Variants in NRG3 observed in about 807,000 individuals in gnomAD.
NRG3 encodes the protein pro-neuregulin-3, membrane-bound isoform.
Under a neutral mutation model 66.9 loss-of-function variants are expected in NRG3, and 31 were observed. The ratio of observed to expected loss-of-function variants is 0.46; its 90% CI spans 0.35 to 0.63. The LOEUF (loss-of-function observed/expected upper bound fraction) is 0.63, where lower values mean the gene tolerates loss of function less well. Among genes scored for constraint, NRG3 ranks in the 20% least tolerant of loss-of-function variants. The pLI, the probability that NRG3 is intolerant of heterozygous loss-of-function variation, is 0.00. For missense variants in NRG3, 910 were observed against 878.9 expected, an observed-to-expected ratio of 1.04 and a Z score of -0.45; for synonymous variants, 393 against 359.4, an observed-to-expected ratio of 1.09 and a Z score of -1.06.
intron 1 of NRG3, among the ~76,000 whole-genome samples, chr10:81,924,385 G>T (rs954776006): frequency 6.6e-6 from 1 of 152,202 alleles, no homozygotes; most frequent in Admixed American, 6.5e-5. Context: ...AAAGACAGTT[G>T]TCTGAACTTC....
chr10:82,794,034 A>G (rs1292775728), intron 3 of NRG3, among the ~76,000 whole-genome samples: 1 of 152,164 alleles, frequency 6.6e-6, no homozygotes, highest in African/African-American at 2.4e-5. Flanking sequence ...CTATTGCTTC[A>G]GCTGTGAACA....
At chr10:82,425,258 T>G (rs1420063141) in intron 2 of NRG3, among the ~76,000 whole-genome samples, 3 of 152,162 alleles carry the variant, frequency 2.0e-5, no homozygotes, top group Non-Finnish European at 2.9e-5. Flanking sequence ...CAATATTAAG[T>G]CTTCTGATTC....
intron 2 of NRG3, among the ~76,000 whole-genome samples, chr10:82,364,523 G>T (rs969985498): frequency 6.6e-6 from 1 of 152,010 alleles, no homozygotes; most frequent in Non-Finnish European, 1.5e-5. Flanking sequence ...TGTTGGCAAT[G>T]GTGCTATGTA....
chr10:82,894,643 T>C (rs1843473717), intron 4 of NRG3, among the ~76,000 whole-genome samples: 1 of 152,218 alleles, frequency 6.6e-6, no homozygotes, highest in African/African-American at 2.4e-5. Context: ...TAAGACTCAA[T>C]TCATCTATTA....
chr10:82,580,234 T>C (rs1257395286), intron 2 of NRG3, among the ~76,000 whole-genome samples: 1 of 152,012 alleles, frequency 6.6e-6, no homozygotes, highest in Non-Finnish European at 1.5e-5. Context: ...TTTAGCATGC[T>C]AAATATGTAA....
At chr10:82,974,719 A>G (rs1240757026) in intron 7 of NRG3, among the ~76,000 whole-genome samples, 1 of 152,246 alleles carries the variant, frequency 6.6e-6, no homozygotes, top group East Asian at 1.9e-4. Context: ...CATTTTAACA[A>G]TGAAAAAGTA....
chr10:82,553,338 A>G (rs937117309), intron 2 of NRG3, among the ~76,000 whole-genome samples: 1 of 152,036 alleles, frequency 6.6e-6, no homozygotes, highest in Non-Finnish European at 1.5e-5. Flanking sequence ...CACCCCCCAC[A>G]CAATCACCAC....
chr10:81,956,256 G>A (rs1272305730), intron 1 of NRG3, among the ~76,000 whole-genome samples: 2 of 151,918 alleles, frequency 1.3e-5, no homozygotes, highest in Non-Finnish European at 2.9e-5. Flanking sequence ...TTGCCCTGGG[G>A]CAAGCCATTC....
At chr10:82,047,629 C>T (rs1180604396) in intron 1 of NRG3, among the ~76,000 whole-genome samples, 13 of 151,740 alleles carry the variant, frequency 8.6e-5, no homozygotes, top group African/African-American at 3.1e-4. Flanking sequence ...ACAACCAGTA[C>T]CAGCTGCCGC....
rs559225246 is a variant in NRG3 at position 82,745,340 on chromosome 10, G to A, written c.1027+6690G>A. On this transcript the variant is annotated intron_variant, in intron 3 of 8. Coordinates refer to ENST00000372141, the MANE Select transcript of NRG3 (RefSeq NM_001010848.4). The stretch of plus-strand genomic sequence containing the variant: ...GACATTTCCATGAATAAATTAGATA[G>A]AGGAAAAACAGATTCTTGAGGACAC... Among the ~76,000 whole-genome samples the A allele has an allele frequency of 7.9e-5, 12 of 152,228 alleles. No individual in the cohort carries two copies. The South Asian group carries it at 2.3e-3, about 29-fold the overall frequency.
At chr10:82,277,690 A>G (rs369340070) in intron 1 of NRG3, among the ~76,000 whole-genome samples, 1 of 151,980 alleles carries the variant, frequency 6.6e-6, no homozygotes, top group Non-Finnish European at 1.5e-5. Context: ...TGCTTACCTC[A>G]TGGCCTTAAT....
intron 1 of NRG3, among the ~76,000 whole-genome samples, chr10:82,075,074 A>G (rs1037291945): frequency 2.6e-5 from 4 of 152,156 alleles, no homozygotes; most frequent in Non-Finnish European, 5.9e-5. Flanking sequence ...CACTATTTTG[A>G]TGCTTAGCGA....
At chr10:82,102,132 T>TTATATATATATA (rs2066782910) in intron 1 of NRG3, among the ~76,000 whole-genome samples, 1 of 6,048 alleles carries the variant, frequency 1.7e-4, no homozygotes, top group Non-Finnish European at 4.1e-4. Context: ...ATATGTGTAT[T>TTATATATATATA]CATATATATA....
rs2085805188 is a variant in NRG3, at chr10:82,383,974, C to G, written c.953+25106C>G. ...TTATGATAATTTATCTTCTCCTATA[C>G]TTAAATATTTTAAAAACAATTTTAC... On this transcript the variant is annotated intron_variant, in intron 2 of 8. Transcript: ENST00000372141. Among the ~76,000 whole-genome samples the G allele has an allele frequency of 2.0e-5, 3 of 151,834 alleles. No homozygotes were observed. In the South Asian group the frequency reaches 6.2e-4, roughly 32 times the overall value.
At chr10:82,641,589 T>A (rs960124874) in intron 2 of NRG3, among the ~76,000 whole-genome samples, 2 of 151,874 alleles carry the variant, frequency 1.3e-5, no homozygotes, top group African/African-American at 4.8e-5. Flanking sequence ...CCATCAAGAG[T>A]ACTCATGATC....
At position 81,875,907 on chromosome 10, in the gene NRG3, C is replaced by T; in HGVS notation, c.567C>T (p.Ala189=). Residue 189 remains alanine, a synonymous_variant, in exon 1 of 9, where the codon GCC becomes GCT. Coordinates refer to ENST00000372141, the MANE Select transcript of NRG3 (RefSeq NM_001010848.4). The surrounding 1 kb of genome is among the most constrained non-coding windows in gnomAD (Gnocchi z 5.3). ...CCACCACAGCACGGAACACTGCGGCCCCTGCGACGGTCCCGTCCACCACGG... is the reference window on the plus strand; with the variant it reads ...CCACCACAGCACGGAACACTGCGGCTCCTGCGACGGTCCCGTCCACCACGG... ...PRSTTARNTA[A]PATVPSTTAP... The T allele has an allele frequency of 6.2e-7, 1 of 1,612,888 alleles. No homozygotes were observed. The highest frequency in any genetic ancestry group is 8.5e-7 in the Non-Finnish European group (1 of 1,179,990).
intron 1 of NRG3, among the ~76,000 whole-genome samples, chr10:81,968,114 C>T (rs886856027): frequency 6.6e-6 from 1 of 152,168 alleles, no homozygotes; most frequent in African/African-American, 2.4e-5. Flanking sequence ...AGAGGGGCCC[C>T]TGCTCTGTGC....
intron 1 of NRG3, among the ~76,000 whole-genome samples, chr10:82,339,357 G>A (rs984251847): frequency 5.3e-5 from 8 of 152,268 alleles, no homozygotes; most frequent in Non-Finnish European, 1.2e-4. Context: ...ACATAGCTGG[G>A]GAGTCCTCAG....
intron 2 of NRG3, among the ~76,000 whole-genome samples, chr10:82,611,659 A>G (rs1205392466): frequency 6.6e-6 from 1 of 152,178 alleles, no homozygotes; most frequent in South Asian, 2.1e-4. Flanking sequence ...TTCTTAATCC[A>G]GTCTATCATT....
Sources: gnomAD v4.1 joint callset for allele counts (sites outside exome capture counted in the v4.1 genomes callset) on GRCh38, gnomAD v4.1.1 for gene constraint, Gnocchi (gnomAD v3.1) non-coding constraint, MANE v1.5 for transcripts, NCBI Gene and HGNC (gene_info 2026-07-23, HGNC 2026-07-21) for gene names.